Variants in DLG2 observed in about 807,000 individuals in gnomAD.
DLG2 encodes disks large homolog 2.
Under a neutral mutation model 132.5 loss-of-function variants are expected in DLG2, and 45 were observed. That is an observed-to-expected ratio of 0.34 (90% CI 0.27 to 0.44). The LOEUF (loss-of-function observed/expected upper bound fraction) is 0.44, where lower values mean the gene tolerates loss of function less well. Among genes scored for constraint, DLG2 ranks in the 20% least tolerant of loss-of-function variants. The pLI is 1.00. For synonymous variants in DLG2, 424 were observed against 419.6 expected (o/e 1.01, Z -0.13); for missense variants, 1,045 against 1,196.9 (o/e 0.87, Z 1.87).
chr11:84,418,973 C>T (rs1472244854), intron 7 of DLG2, among the ~76,000 whole-genome samples: 2 of 152,110 alleles, frequency 1.3e-5, no homozygotes, highest in Non-Finnish European at 2.9e-5. Context: ...GACTTGGAGA[C>T]ACAAATTGCT....
chr11:84,006,707 A>G (rs917918375), intron 11 of DLG2, among the ~76,000 whole-genome samples: 1 of 151,550 alleles, frequency 6.6e-6, no homozygotes. Context: ...GTCATTGGTA[A>G]TATGTTCTCT....
intron 6 of DLG2, among the ~76,000 whole-genome samples, chr11:84,737,502 C>CAG (rs34535735): frequency 0.48 from 71,242 of 146,904 alleles, 17,488 homozygotes; most frequent in Non-Finnish European, 0.58. Context: ...AAGAAAGAGA[C>CAG]AGAGAGAGAG....
chr11:83,904,059 TA>T (rs1054145822), intron 15 of DLG2, among the ~76,000 whole-genome samples: 1 of 152,182 alleles, frequency 6.6e-6, no homozygotes, highest in Non-Finnish European at 1.5e-5. Flanking sequence ...CATTATTAAG[TA>T]AAATAAGGGT....
At chr11:84,051,535 A>C (rs181211379) in intron 11 of DLG2, among the ~76,000 whole-genome samples, 4 of 150,702 alleles carry the variant, frequency 2.7e-5, no homozygotes, top group Admixed American at 2.0e-4. Context: ...CAAAATACCA[A>C]ACACTGCATG....
chr11:85,544,263 C>T (rs1317984537), intron 3 of DLG2, among the ~76,000 whole-genome samples: 1 of 152,128 alleles, frequency 6.6e-6, no homozygotes, highest in Non-Finnish European at 1.5e-5. Flanking sequence ...TTCCCCAATG[C>T]TTGCTTTTGT....
intron 6 of DLG2, among the ~76,000 whole-genome samples, chr11:84,728,259 G>T (rs544401652): frequency 2.1e-4 from 32 of 152,092 alleles, no homozygotes; most frequent in Non-Finnish European, 4.4e-4. Context: ...TTTGAGATAC[G>T]TTCCATTGAT....
intron 7 of DLG2, among the ~76,000 whole-genome samples, chr11:84,355,626 A>G (rs1331625057): frequency 1.3e-5 from 2 of 152,136 alleles, no homozygotes; most frequent in African/African-American, 4.8e-5. Flanking sequence ...TGGCAGCCCA[A>G]AACTAAGAAC....
At chr11:85,373,553 C>A (rs2085157245) in intron 3 of DLG2, among the ~76,000 whole-genome samples, 1 of 152,134 alleles carries the variant, frequency 6.6e-6, no homozygotes, top group African/African-American at 2.4e-5. Flanking sequence ...CTCCAACCAG[C>A]CTGCCCATTG....
In DLG2 at chr11:85,382,566, C is replaced by T. The variant is rs878917276; in HGVS notation, c.41-97201G>A. Among the ~76,000 whole-genome samples the T allele has an allele frequency of 1.4e-4, 21 of 151,860 alleles. 1 individual carries two copies. The highest frequency in any genetic ancestry group is 5.2e-4 in the Admixed American group (8 of 15,258). ...TGAATAAAATCAAAAGGCAACCCACCGATGAAAAATAACATTTGCAAGTCA... is the reference window on the plus strand; with the variant it reads ...TGAATAAAATCAAAAGGCAACCCACTGATGAAAAATAACATTTGCAAGTCA... On this transcript the variant is annotated intron_variant, in intron 3 of 27. Coordinates refer to ENST00000376104, the MANE Select transcript of DLG2 (RefSeq NM_001142699.3).
At chr11:85,421,611 C>A (rs1373650198) in intron 3 of DLG2, among the ~76,000 whole-genome samples, 2 of 151,884 alleles carry the variant, frequency 1.3e-5, no homozygotes, top group East Asian at 1.9e-4. Context: ...AATTCTTAAC[C>A]TTTCTGCAAT....
chr11:83,707,742 A>T (rs144635085), intron 18 of DLG2, among the ~76,000 whole-genome samples: 213 of 152,320 alleles, frequency 1.4e-3, no homozygotes, highest in African/African-American at 5.0e-3. Flanking sequence ...AGATTGGTTG[A>T]GTGTCTGTTC....
intron 6 of DLG2, among the ~76,000 whole-genome samples, chr11:84,879,591 A>G (rs114766472): frequency 0.012 from 1,855 of 152,172 alleles, 40 homozygotes; most frequent in African/African-American, 0.041. Context: ...GGAATGTACA[A>G]TATGGTTTTG....
At chr11:84,695,706 T>C (rs972324188) in intron 6 of DLG2, among the ~76,000 whole-genome samples, 35 of 151,648 alleles carry the variant, frequency 2.3e-4, no homozygotes, top group East Asian at 1.8e-3. Flanking sequence ...ATTGGTACTA[T>C]TGAACAGGAA....
intron 18 of DLG2, among the ~76,000 whole-genome samples, chr11:83,718,869 A>G (rs1004334064): frequency 6.6e-6 from 1 of 152,198 alleles, no homozygotes; most frequent in Admixed American, 6.5e-5. Flanking sequence ...TCCTAGCCCA[A>G]TCCAGTCACC....
chr11:83,753,651 T>C lies in DLG2; in HGVS notation c.1825+33039A>G, dbSNP rs1200606570. Reference sequence around the variant, plus strand: ...ATAAAATTGATATAAAATATATCAATAAATATATATATATTTTAAATTGAT... The same window carrying C: ...ATAAAATTGATATAAAATATATCAACAAATATATATATATTTTAAATTGAT... On this transcript the variant is annotated intron_variant, in intron 18 of 27. Coordinates refer to ENST00000376104, the MANE Select transcript of DLG2 (RefSeq NM_001142699.3). Among the ~76,000 whole-genome samples the C allele has an allele frequency of 2.2e-5, 3 of 139,086 alleles. 1 individual carries two copies. The highest frequency in any genetic ancestry group is 7.1e-5 in the Admixed American group (1 of 14,110). The allele number at this position is 139,086 out of a possible 152,430, so 91.2% of individuals were successfully genotyped here. A position where few individuals can be genotyped will look rare whatever the true frequency, so the allele number is the denominator to read the frequency against.
intron 4 of DLG2, among the ~76,000 whole-genome samples, chr11:85,253,500 G>C (rs1458205546): frequency 6.6e-6 from 1 of 152,146 alleles, no homozygotes; most frequent in African/African-American, 2.4e-5. Context: ...GCAGGAGCCA[G>C]GGTGAGTGCT....
At chr11:84,689,411 C>T (rs1343613141) in intron 6 of DLG2, among the ~76,000 whole-genome samples, 2 of 151,924 alleles carry the variant, frequency 1.3e-5, no homozygotes, top group Non-Finnish European at 2.9e-5. Context: ...ATAAGATGTA[C>T]TGTACAATCA....
At chr11:84,310,432 C>T (rs1017608234) in intron 7 of DLG2, among the ~76,000 whole-genome samples, 2 of 152,198 alleles carry the variant, frequency 1.3e-5, no homozygotes, top group African/African-American at 2.4e-5. Flanking sequence ...GTGTCTCACA[C>T]ATTGTGAACA....
intron 7 of DLG2, among the ~76,000 whole-genome samples, chr11:84,474,818 A>C (rs1420660410): frequency 6.6e-6 from 1 of 151,986 alleles, no homozygotes; most frequent in African/African-American, 2.4e-5. Flanking sequence ...TGGCCTTTTT[A>C]TATTTGTCAA....
Sources: gnomAD v4.1 joint callset for allele counts (sites outside exome capture counted in the v4.1 genomes callset) on GRCh38, gnomAD v4.1.1 for gene constraint, MANE v1.5 for transcripts, NCBI Gene and HGNC (gene_info 2026-07-23, HGNC 2026-07-21) for gene names.